The following SLC39A11 variants were observed in gnomAD, a reference collection of about 807,000 sequenced individuals.
SLC39A11 encodes the protein zinc transporter ZIP11.
In SLC39A11, 33 loss-of-function variants were observed where a neutral mutation model predicts 36.1. That is an observed-to-expected ratio of 0.91 (90% confidence interval 0.69 to 1.22). The LOEUF is 1.22. Ranked by LOEUF, SLC39A11 falls within the 50% of genes most tolerant of loss-of-function variation. The pLI is 0.00. For missense variants in SLC39A11, 432 were observed against 430.3 expected (o/e 1.00, Z -0.03); for synonymous variants, 166 against 170.3 (o/e 0.97, Z 0.20).
At chr17:72,720,322 G>A (rs1178160040) in intron 7 of SLC39A11, among the ~76,000 whole-genome samples, 2 of 145,034 alleles carry the variant, frequency 1.4e-5, no homozygotes, top group African/African-American at 5.2e-5. Flanking sequence ...TATAAAGCAC[G>A]GAGCTCTAGA....
intron 4 of SLC39A11, among the ~76,000 whole-genome samples, chr17:73,010,935 CA>C (rs2090475475): frequency 6.6e-6 from 1 of 152,214 alleles, no homozygotes; most frequent in African/African-American, 2.4e-5. Context: ...CTGATCTTCA[CA>C]ACCTCTCCAA....
At chr17:72,799,619 G>A (rs565160635) in intron 6 of SLC39A11, among the ~76,000 whole-genome samples, 2 of 152,278 alleles carry the variant, frequency 1.3e-5, no homozygotes, top group East Asian at 3.9e-4. Context: ...GTCTTATGCA[G>A]TTGAGATAAG....
intron 5 of SLC39A11, among the ~76,000 whole-genome samples, chr17:72,940,877 C>T (rs1193957682): frequency 3.3e-5 from 5 of 152,132 alleles, no homozygotes; most frequent in Non-Finnish European, 7.3e-5. Context: ...ACGCCCAGTA[C>T]CTAAGAATGT....
intron 5 of SLC39A11, among the ~76,000 whole-genome samples, chr17:72,889,096 T>C (rs192154740): frequency 1.8e-3 from 280 of 152,150 alleles, no homozygotes; most frequent in African/African-American, 5.8e-3. Context: ...AAAAGGGAGG[T>C]TCGATCAATG....
chr17:72,737,898 G>A (rs373815571), intron 6 of SLC39A11, among the ~76,000 whole-genome samples: 66 of 152,214 alleles, frequency 4.3e-4, no homozygotes, highest in African/African-American at 1.6e-3. Context: ...CCCTGCCCAT[G>A]CTCCCTGAAA....
At chr17:72,998,101 T>A (rs118191446) in intron 4 of SLC39A11, among the ~76,000 whole-genome samples, 252 of 152,286 alleles carry the variant, frequency 1.7e-3, no homozygotes, top group Non-Finnish European at 3.1e-3. Flanking sequence ...GAAAAAGGCG[T>A]TAAATTTACG....
At chr17:73,066,853 T>G (rs557598446) in intron 3 of SLC39A11, among the ~76,000 whole-genome samples, 1 of 152,336 alleles carries the variant, frequency 6.6e-6, no homozygotes, top group Admixed American at 6.5e-5. Flanking sequence ...CCAATACATT[T>G]TATTTCTTCT....
intron 4 of SLC39A11, among the ~76,000 whole-genome samples, chr17:72,965,765 T>G (rs1486827968): frequency 6.6e-6 from 1 of 151,900 alleles, no homozygotes; most frequent in Non-Finnish European, 1.5e-5. Flanking sequence ...GACCAGAAAA[T>G]CATGCAGGGA....
chr17:73,063,891 G>A (rs891461933), intron 3 of SLC39A11, among the ~76,000 whole-genome samples: 2 of 152,176 alleles, frequency 1.3e-5, no homozygotes, highest in Non-Finnish European at 2.9e-5. Flanking sequence ...CACAGGCAAT[G>A]ACCGTGTGTC....
rs142049423 is a variant in SLC39A11 at position 72,755,328 on chromosome 17, G to T, written c.602-18609C>A. On this transcript the variant is annotated intron_variant, in intron 6 of 9. Transcript: ENST00000255559. The stretch of plus-strand genomic sequence containing the variant: ...AAGGGCAACGAAATCAGGAGGCGAA[G>T]GCCATATAGCAATGGAGGGACTGGG... 7.5e-3 allele frequency among the ~76,000 whole-genome samples: 1,136 copies of T among 152,362 alleles called. 18 individuals carry two copies. The highest frequency in any genetic ancestry group is 0.026 in the African/African-American group (1,068 of 41,588).
chr17:72,792,128 G>A (rs1158603395), intron 6 of SLC39A11, among the ~76,000 whole-genome samples: 1 of 152,208 alleles, frequency 6.6e-6, no homozygotes, highest in Non-Finnish European at 1.5e-5. Context: ...AAAATAGTGT[G>A]AGACAGCTGA....
At position 73,010,831 on chromosome 17, in the gene SLC39A11, C is replaced by T. The variant is rs77569326; in HGVS notation, c.306+20725G>A. Among the ~76,000 whole-genome samples, 251 of 152,316 alleles carry T rather than the reference C, an allele frequency of 1.6e-3. 1 individual carries two copies. Among genetic ancestry groups the T allele is most frequent in the African/African-American group, 5.4e-3 (225 of 41,574 alleles). On this transcript the variant is annotated intron_variant, in intron 4 of 9. Transcript: ENST00000255559. ...GGGCCAAAAAAGCGGTCAATTGCAA[C>T]GGGCATGGATCTGCTCCCCAAAAAT...
chr17:72,857,416 C>A (rs760441745), intron 5 of SLC39A11, among the ~76,000 whole-genome samples: 22 of 152,112 alleles, frequency 1.4e-4, no homozygotes, highest in Admixed American at 2.6e-4. Context: ...CATGTCCTTG[C>A]CATTGTGAAT....
intron 5 of SLC39A11, among the ~76,000 whole-genome samples, chr17:72,871,452 G>T (rs140505062): frequency 6.6e-6 from 1 of 152,202 alleles, no homozygotes; most frequent in East Asian, 1.9e-4. Context: ...GTTTGCCAGG[G>T]GAAACAATCA....
At chr17:72,802,256 G>A (rs559859863) in intron 6 of SLC39A11, among the ~76,000 whole-genome samples, 2 of 152,256 alleles carry the variant, frequency 1.3e-5, no homozygotes, top group East Asian at 3.9e-4. Context: ...TGTGGCCCAA[G>A]AGAAGGCCTG....
At chr17:72,801,657 A>T (rs1425563155) in intron 6 of SLC39A11, among the ~76,000 whole-genome samples, 1 of 152,240 alleles carries the variant, frequency 6.6e-6, no homozygotes, top group African/African-American at 2.4e-5. Flanking sequence ...AAGCTGTCTA[A>T]AAATTTACTA....
At chr17:72,751,553 G>C (rs530559455) in intron 6 of SLC39A11, among the ~76,000 whole-genome samples, 36 of 152,152 alleles carry the variant, frequency 2.4e-4, no homozygotes, top group African/African-American at 8.7e-4. Flanking sequence ...CTTTTGTACA[G>C]CCATCGCCAC....
chr17:72,990,167 C>A (rs191053837), intron 4 of SLC39A11, among the ~76,000 whole-genome samples: 338 of 152,316 alleles, frequency 2.2e-3, no homozygotes, highest in African/African-American at 7.8e-3. Context: ...CTTGGTCTTA[C>A]AGTTAGAATG....
chr17:72,897,921 C>A (rs73360715), intron 5 of SLC39A11, among the ~76,000 whole-genome samples: 6,540 of 151,946 alleles, frequency 0.043, 181 homozygotes, highest in African/African-American at 0.079. Context: ...AAGGTGAGAC[C>A]TGGAGGAAGG....
Sources: allele counts gnomAD v4.1 joint callset (sites outside exome capture counted in the v4.1 genomes callset), GRCh38; gene constraint gnomAD v4.1.1; transcripts MANE v1.5; gene names NCBI Gene and HGNC (gene_info 2026-07-23, HGNC 2026-07-21).